SLC22A25: variants seen among roughly 807,000 people sequenced by gnomAD.
SLC22A25 encodes the protein MGI:2442751, MGI:2385316, MGI:3042283, MGI:3645714, MGI:3605624, MGI:2442750.
A neutral mutation model predicts 45.9 loss-of-function variants in SLC22A25; 44 were observed. The ratio of observed to expected loss-of-function variants is 0.96; its 90% confidence interval spans 0.75 to 1.23. The LOEUF (loss-of-function observed/expected upper bound fraction) is 1.23. Ranked by LOEUF, SLC22A25 falls within the 50% of genes most tolerant of loss-of-function variation. The pLI is 0.00. For missense variants in SLC22A25, 800 were observed against 666.4 expected (o/e 1.20, Z -2.21); for synonymous variants, 283 against 238.6 (o/e 1.19, Z -1.72).
At chr11:63,240,394 T>A (rs2090228786) in intron 1 of SLC22A25, among the ~76,000 whole-genome samples, 1 of 152,210 alleles carries the variant, frequency 6.6e-6, no homozygotes, top group African/African-American at 2.4e-5. Context: ...TATAATGAAA[T>A]CTGTTTCAAG....
At chr11:63,177,904 A>ATATATATAATATATATATATAATG (rs1471680347) in intron 9 of SLC22A25, among the ~76,000 whole-genome samples, 17 of 141,436 alleles carry the variant, frequency 1.2e-4, no homozygotes, top group Admixed American at 2.2e-4. Flanking sequence ...TATATAATGT[A>ATATATATAATATATATATATAATG]TATCCCATTT....
chr11:63,188,288 C>T lies in SLC22A25; in HGVS notation c.831-4471G>A, dbSNP rs1411675070. Among the ~76,000 whole-genome samples, 6 of 152,128 alleles carry T rather than the reference C, an allele frequency of 3.9e-5. No individual in the cohort carries two copies. The South Asian group carries it at 6.2e-4, about 16-fold the overall frequency. On this transcript the variant is annotated intron_variant, in intron 7 of 11. Coordinates refer to ENST00000306494, the MANE Select transcript of SLC22A25 (RefSeq NM_199352.6). ...TTTAGTCTTGGGAGGGTGGATGTGT[C>T]CAGGAATTTATCCATTTCTTCTAGT...
At position 63,161,513 on chromosome 11, in the gene SLC22A25, G is replaced by A. The variant is rs2087533018; in HGVS notation, c.*2311C>T. ...ACATCATGGGAGGGATCCAGTGGGA[G>A]GTAACTGAATCATGGGGGTGAGTGT... is the stretch of plus-strand genomic sequence containing the variant. On this transcript the variant is annotated 3_prime_UTR_variant, in exon 12 of 12. Transcript: ENST00000306494. Among the ~76,000 whole-genome samples the A allele has an allele frequency of 6.6e-6, 1 of 152,128 alleles. No homozygotes were observed. The highest frequency in any genetic ancestry group is 2.4e-5 in the African/African-American group (1 of 41,400).
intron 5 of SLC22A25, among the ~76,000 whole-genome samples, chr11:63,227,114 G>A (rs11231419): frequency 0.37 from 55,301 of 151,408 alleles, 10,323 homozygotes; most frequent in East Asian, 0.56. Context: ...AACCCCAAAG[G>A]CCTACTTGGT....
Position 63,164,520 on chromosome 11 carries a change from T to C in SLC22A25, c.1394+6A>G, listed in dbSNP as rs1332222045. The C allele has an allele frequency of 5.6e-6, 9 of 1,611,346 alleles. No homozygotes were observed. The highest frequency in any genetic ancestry group is 7.6e-6 in the Non-Finnish European group (9 of 1,177,802). ...AGAATGACAGAGCACACATAAACTTTTGTACCTGATTATGGAAGGAATTAG... is the reference window on the plus strand; with the variant it reads ...AGAATGACAGAGCACACATAAACTTCTGTACCTGATTATGGAAGGAATTAG... On this transcript the variant is annotated splice_donor_region_variant and intron_variant, in intron 11 of 11. Coordinates refer to ENST00000306494, the MANE Select transcript of SLC22A25 (RefSeq NM_199352.6).
chr11:63,236,104 G>A (rs1268884112), intron 3 of SLC22A25, among the ~76,000 whole-genome samples: 1 of 152,198 alleles, frequency 6.6e-6, no homozygotes, highest in Non-Finnish European at 1.5e-5. Context: ...ACCCACTTGA[G>A]GAGGCAGTCT....
At chr11:63,217,067 G>A (rs79238863) in intron 7 of SLC22A25, among the ~76,000 whole-genome samples, 7,255 of 152,092 alleles carry the variant, frequency 0.048, 571 homozygotes, top group African/African-American at 0.16. Context: ...GAGTTTTATT[G>A]CATCCCTTGC....
chr11:63,239,251 C>T (rs1727722856), intron 1 of SLC22A25, 116 bp from the exon 2 acceptor site: 1 of 152,208 alleles, frequency 6.6e-6, no homozygotes, highest in African/African-American at 2.4e-5. Flanking sequence ...CCCTGCATCA[C>T]ATTTGCAGCA....
At chr11:63,203,269 C>T (rs186588420) in intron 7 of SLC22A25, among the ~76,000 whole-genome samples, 1 of 152,120 alleles carries the variant, frequency 6.6e-6, no homozygotes, top group African/African-American at 2.4e-5. Context: ...ATCACAACTC[C>T]TTGGCAGCAA....
chr11:63,221,331 AGAT>A (rs1311850964), intron 5 of SLC22A25, among the ~76,000 whole-genome samples: 2 of 152,162 alleles, frequency 1.3e-5, no homozygotes, highest in Non-Finnish European at 2.9e-5. Flanking sequence ...AACTGAGGTG[AGAT>A]GATATCTCAC....
chr11:63,243,386 GA>G, intron 1 of SLC22A25, 47 bp downstream of exon 1: 1 of 670,380 alleles, frequency 1.5e-6, no homozygotes, highest in South Asian at 1.6e-5. Flanking sequence ...GGAGGTCTGT[GA>G]GGAACAGAAG....
chr11:63,216,560 T>C (rs949939116), intron 7 of SLC22A25, among the ~76,000 whole-genome samples: 1 of 152,118 alleles, frequency 6.6e-6, no homozygotes, highest in Non-Finnish European at 1.5e-5. Context: ...AGAACAAGAT[T>C]GTGTCCTTTG....
intron 3 of SLC22A25, among the ~76,000 whole-genome samples, chr11:63,234,871 T>G (rs1280486396): frequency 3.9e-5 from 6 of 152,308 alleles, no homozygotes; most frequent in African/African-American, 1.4e-4. Context: ...TGTGTGTAAA[T>G]TATTTCATTT....
At chr11:63,191,184 G>T (rs2088799131) in intron 7 of SLC22A25, among the ~76,000 whole-genome samples, 1 of 152,248 alleles carries the variant, frequency 6.6e-6, no homozygotes, top group Non-Finnish European at 1.5e-5. Flanking sequence ...TCAAGCTGCG[G>T]TGGGCTCCAC....
At chr11:63,189,129 A>G (rs2088688493) in intron 7 of SLC22A25, among the ~76,000 whole-genome samples, 3 of 152,060 alleles carry the variant, frequency 2.0e-5, no homozygotes, top group African/African-American at 4.8e-5. Context: ...TGATCTGTCT[A>G]ATGTTGACAG....
intron 7 of SLC22A25, among the ~76,000 whole-genome samples, chr11:63,193,697 A>C (rs571902419): frequency 1.6e-4 from 24 of 152,266 alleles, no homozygotes; most frequent in Non-Finnish European, 3.1e-4. Context: ...AAAACCACAA[A>C]GATGGGGAGA....
chr11:63,198,983 C>T (rs960093137), intron 7 of SLC22A25, among the ~76,000 whole-genome samples: 1 of 151,996 alleles, frequency 6.6e-6, no homozygotes, highest in African/African-American at 2.4e-5. Flanking sequence ...AACCTGACAT[C>T]ACAACTGAAA....
chr11:63,217,264 A>G (rs774332137), intron 7 of SLC22A25, 50 bp downstream of exon 7: 1 of 1,584,822 alleles, frequency 6.3e-7, no homozygotes, highest in Non-Finnish European at 8.6e-7. Context: ...TTCCATGTAC[A>G]TCTGCATTCA....
intron 7 of SLC22A25, among the ~76,000 whole-genome samples, chr11:63,195,637 C>A (rs2088995738): frequency 6.6e-6 from 1 of 151,838 alleles, no homozygotes; most frequent in Admixed American, 6.6e-5. Context: ...CACTAAATGC[C>A]CACAAGAGAA....
Sources: allele counts gnomAD v4.1 joint callset (sites outside exome capture counted in the v4.1 genomes callset), GRCh38; gene constraint gnomAD v4.1.1; transcripts MANE v1.5; gene names NCBI Gene and HGNC (gene_info 2026-07-23, HGNC 2026-07-21).